VAPB: variants seen among roughly 807,000 people sequenced by gnomAD.
VAPB encodes the protein vesicle-associated membrane protein-associated protein B/C.
Under a neutral mutation model 25.6 loss-of-function variants are expected in VAPB, and 7 were observed. That is an observed-to-expected ratio of 0.27 (90% CI 0.16 to 0.51). The LOEUF (loss-of-function observed/expected upper bound fraction) is 0.51. Ranked by LOEUF, VAPB falls within the 20% of genes least tolerant of loss-of-function variation. The pLI is 0.97. For synonymous variants in VAPB, 112 were observed against 109.2 expected (o/e 1.03, Z -0.16); for missense variants, 266 against 301.3 (o/e 0.88, Z 0.87).
chr20:58,433,091 C>T (rs1452420391), intron 2 of VAPB, among the ~76,000 whole-genome samples: 2 of 152,212 alleles, frequency 1.3e-5, no homozygotes, highest in South Asian at 2.1e-4. Flanking sequence ...CTACTGCATC[C>T]CTAAGATGGA....
chr20:58,451,096 T>A lies in VAPB; in HGVS notation c.*6861T>A. 2.6e-6 allele frequency: 1 copy of A among 390,180 alleles called. No homozygotes were observed. Among genetic ancestry groups the A allele is most frequent in the Non-Finnish European group, 5.0e-6 (1 of 199,984 alleles). The allele number at this position is 390,180 out of a possible 1,614,324, so 24.2% of individuals were successfully genotyped here. Reference sequence around the variant, plus strand: ...CAATAAATTCTGTGCTCTGAATATATTTAAAGGATGCTTCAGTGTAAAATT... The same window carrying A: ...CAATAAATTCTGTGCTCTGAATATAATTAAAGGATGCTTCAGTGTAAAATT... On this transcript the variant is annotated 3_prime_UTR_variant, in exon 6 of 6. Transcript: ENST00000475243.
At position 58,400,145 on chromosome 20, in the gene VAPB, A is replaced by G. The variant is rs931699560; in HGVS notation, c.58+10628A>G. 3.3e-5 allele frequency among the ~76,000 whole-genome samples: 5 copies of G among 152,308 alleles called. No individual in the cohort carries two copies. In the East Asian group the frequency reaches 9.6e-4, roughly 29 times the overall value. Reference sequence around the variant, plus strand: ...AGCCTCCCAAGCCTGTGTGCTTTGCATTACAAAGCGAATCTGTGGTTCCTA... The same window carrying G: ...AGCCTCCCAAGCCTGTGTGCTTTGCGTTACAAAGCGAATCTGTGGTTCCTA... On this transcript the variant is annotated intron_variant, in intron 1 of 5. Coordinates refer to ENST00000475243, the MANE Select transcript of VAPB (RefSeq NM_004738.5).
At chr20:58,425,589 A>G (rs1328210155) in intron 2 of VAPB, among the ~76,000 whole-genome samples, 2 of 152,218 alleles carry the variant, frequency 1.3e-5, no homozygotes, top group East Asian at 1.9e-4. Context: ...CAGTCTCCCA[A>G]TAAAGTAAGG....
intron 4 of VAPB, chr20:58,439,275 A>G (rs563854309): frequency 1.1e-4 from 53 of 500,970 alleles, no homozygotes; most frequent in African/African-American, 9.1e-4. Flanking sequence ...TTGAGATGTC[A>G]TAAATCCTGA....
rs931866106 is a variant in VAPB, at chr20:58,450,148, C to T, written c.*5913C>T. On this transcript the variant is annotated 3_prime_UTR_variant, in exon 6 of 6. Coordinates refer to ENST00000475243, the MANE Select transcript of VAPB (RefSeq NM_004738.5). ...TCTCCGAACTGGCTGCCTGCATTCC[C>T]GTCTTTCTTTTGTTTTTAAGAAATA... The T allele has an allele frequency of 6.6e-6, 3 of 454,058 alleles. No homozygotes were observed. Among genetic ancestry groups the T allele is most frequent in the South Asian group, 3.1e-5 (2 of 64,470 alleles). The allele number at this position is 454,058 out of a possible 1,614,324, so 28.1% of individuals were successfully genotyped here.
At chr20:58,425,828 A>G in intron 2 of VAPB, among the ~76,000 whole-genome samples, 1 of 152,018 alleles carries the variant, frequency 6.6e-6, no homozygotes, top group East Asian at 1.9e-4. Context: ...ATTCGTGGTG[A>G]CTCTGATACT....
intron 2 of VAPB, among the ~76,000 whole-genome samples, chr20:58,421,640 C>T (rs1374534616): frequency 6.6e-6 from 1 of 151,884 alleles, no homozygotes; most frequent in Non-Finnish European, 1.5e-5. Flanking sequence ...CCTTGGAATG[C>T]ACTAGCTATT....
Position 58,445,587 on chromosome 20 carries a change from G to A in VAPB, c.*1352G>A, listed in dbSNP as rs1374288797. ...CATTTTGTCACATTTGCTCTATGGG[G>A]GGAATTATTATTTTATCATTTTTAT... On this transcript the variant is annotated 3_prime_UTR_variant, in exon 6 of 6. Coordinates refer to ENST00000475243, the MANE Select transcript of VAPB (RefSeq NM_004738.5). 1 of 454,334 alleles carries A rather than the reference G, an allele frequency of 2.2e-6. No homozygotes were observed. Among genetic ancestry groups the A allele is most frequent in the Non-Finnish European group, 4.4e-6 (1 of 226,758 alleles). The allele number at this position is 454,334 out of a possible 1,614,324, so 28.1% of individuals were successfully genotyped here. A position where few individuals can be genotyped will look rare whatever the true frequency, so the allele number is the denominator to read the frequency against.
rs1193825881 is a variant in VAPB, at chr20:58,445,788, G to T, written c.*1553G>T. The T allele has an allele frequency of 2.2e-6, 1 of 453,576 alleles. No individual in the cohort carries two copies. The highest frequency in any genetic ancestry group is 2.0e-5 in the African/African-American group (1 of 49,904). The allele number at this position is 453,576 out of a possible 1,614,324, so 28.1% of individuals were successfully genotyped here. A position where few individuals can be genotyped will look rare whatever the true frequency, so the allele number is the denominator to read the frequency against. Reference sequence around the variant, plus strand: ...AAACTGCTGAAAAAGCTGAGCACCTGGTCACCCTTGGCCTTCCATTGCTTT... The same window carrying T: ...AAACTGCTGAAAAAGCTGAGCACCTTGTCACCCTTGGCCTTCCATTGCTTT... On this transcript the variant is annotated 3_prime_UTR_variant, in exon 6 of 6. Transcript: ENST00000475243.
At position 58,413,923 on chromosome 20, in the gene VAPB, CGGAT is replaced by C. The variant is rs1169755629; in HGVS notation, c.59-4285_59-4282del. On this transcript the variant is annotated intron_variant, in intron 1 of 5. Coordinates refer to ENST00000475243, the MANE Select transcript of VAPB (RefSeq NM_004738.5). ...CCGGGCAGAGGCGCCCCTCACCTCC[CGGAT>C]GGGGCGGCTGGCCGGGTGGGGGGCT... Among the ~76,000 whole-genome samples the C allele has an allele frequency of 4.4e-5, 4 of 91,442 alleles. 1 individual carries two copies. Among genetic ancestry groups the C allele is most frequent in the Non-Finnish European group, 9.1e-5 (4 of 43,970 alleles). 60.0% of individuals were successfully genotyped at this position (91,442 alleles called of 152,430 possible).
At chr20:58,394,901 CT>C (rs1351222259) in intron 1 of VAPB, among the ~76,000 whole-genome samples, 3 of 152,182 alleles carry the variant, frequency 2.0e-5, no homozygotes, top group Non-Finnish European at 4.4e-5. Flanking sequence ...TGAATTGATG[CT>C]TATTAAAGAG....
rs778809344 is a variant in VAPB at position 58,449,792 on chromosome 20, G to C, written c.*5557G>C. 3.3e-5 allele frequency: 15 copies of C among 454,008 alleles called. No individual in the cohort carries two copies. Among genetic ancestry groups the C allele is most frequent in the Non-Finnish European group, 6.6e-5 (15 of 226,778 alleles). The allele number at this position is 454,008 out of a possible 1,614,324, so 28.1% of individuals were successfully genotyped here. A position where few individuals can be genotyped will look rare whatever the true frequency, so the allele number is the denominator to read the frequency against. ...GGCTAATGGATGTGGGTGCAGGACA[G>C]ATGCTCGCTTGCTGGCCTGCTTTCC... On this transcript the variant is annotated 3_prime_UTR_variant, in exon 6 of 6. Transcript: ENST00000475243.
intron 2 of VAPB, 31 bp from the exon 3 acceptor site, chr20:58,434,571 G>T: frequency 1.8e-6 from 2 of 1,114,270 alleles, no homozygotes; most frequent in South Asian, 2.5e-5. Flanking sequence ...ACCAAGCTCT[G>T]ACCCTCCTAA....
chr20:58,397,241 C>T (rs894356915), intron 1 of VAPB, among the ~76,000 whole-genome samples: 10 of 152,088 alleles, frequency 6.6e-5, no homozygotes, highest in Non-Finnish European at 1.2e-4. Flanking sequence ...AGCATTCGGC[C>T]GGGCATGGTG....
intron 1 of VAPB, among the ~76,000 whole-genome samples, chr20:58,411,241 G>T (rs1988371324): frequency 6.6e-6 from 1 of 152,200 alleles, no homozygotes; most frequent in Non-Finnish European, 1.5e-5. Context: ...TCAACAATAA[G>T]AAAATGAACA....
chr20:58,437,311 C>T (rs1989070549), intron 3 of VAPB, among the ~76,000 whole-genome samples: 1 of 151,878 alleles, frequency 6.6e-6, no homozygotes. Context: ...GGCCAGTTGA[C>T]TTACAGAATG....
intron 3 of VAPB, among the ~76,000 whole-genome samples, chr20:58,436,327 C>T (rs370711139): frequency 7.8e-5 from 9 of 114,962 alleles, no homozygotes; most frequent in Admixed American, 1.1e-4. Flanking sequence ...GTTTTTCTTC[C>T]TTTTTTTTTT....
chr20:58,445,747 G>A lies in VAPB; in HGVS notation c.*1512G>A, dbSNP rs1989275915. On this transcript the variant is annotated 3_prime_UTR_variant, in exon 6 of 6. Transcript: ENST00000475243. Reference sequence around the variant, plus strand: ...ATTTTTTTTTTGGTTGTCTTCAGCTGACAGTATGAAAAATGAAACTGCTGA... The same window carrying A: ...ATTTTTTTTTTGGTTGTCTTCAGCTAACAGTATGAAAAATGAAACTGCTGA... 4.4e-6 allele frequency: 2 copies of A among 453,032 alleles called. No homozygotes were observed. The highest frequency in any genetic ancestry group is 8.8e-6 in the Non-Finnish European group (2 of 226,578). The allele number at this position is 453,032 out of a possible 1,614,324, so 28.1% of individuals were successfully genotyped here.
intron 1 of VAPB, 83 bp from the exon 2 acceptor site, chr20:58,418,128 A>T: frequency 6.3e-7 from 1 of 1,575,502 alleles, no homozygotes; most frequent in Non-Finnish European, 8.7e-7. Flanking sequence ...ATCTTCCCTT[A>T]ACTATATTTA....
Sources: allele counts gnomAD v4.1 joint callset (sites outside exome capture counted in the v4.1 genomes callset), GRCh38; gene constraint gnomAD v4.1.1; transcripts MANE v1.5; gene names NCBI Gene and HGNC (gene_info 2026-07-23, HGNC 2026-07-21).